The following DLG2 variants were observed in gnomAD, a reference collection of about 807,000 sequenced individuals.
DLG2 encodes disks large homolog 2.
Under a neutral mutation model 132.5 loss-of-function variants are expected in DLG2, and 45 were observed. The ratio of observed to expected loss-of-function variants is 0.34; its 90% confidence interval spans 0.27 to 0.44. The LOEUF is 0.44. Among genes scored for constraint, DLG2 ranks in the 20% least tolerant of loss-of-function variants. DLG2 has a pLI of 1.00. For synonymous variants in DLG2, 424 were observed against 419.6 expected (o/e 1.01, Z -0.13); for missense variants, 1,045 against 1,196.9 (o/e 0.87, Z 1.87).
chr11:85,318,489 A>G (rs2080839050), intron 3 of DLG2, among the ~76,000 whole-genome samples: 1 of 151,880 alleles, frequency 6.6e-6, no homozygotes, highest in African/African-American at 2.4e-5. Flanking sequence ...AGTGCAAAAA[A>G]GAAACCAGGC....
intron 19 of DLG2, among the ~76,000 whole-genome samples, chr11:83,568,837 G>T (rs540609976): frequency 1.3e-5 from 2 of 152,206 alleles, no homozygotes; most frequent in South Asian, 2.1e-4. Flanking sequence ...TTGTAAAATC[G>T]CATTCACATC....
At chr11:85,188,489 T>C (rs1198597309) in intron 4 of DLG2, among the ~76,000 whole-genome samples, 1 of 152,118 alleles carries the variant, frequency 6.6e-6, no homozygotes, top group African/African-American at 2.4e-5. Flanking sequence ...GAAAGCGTGA[T>C]CCATGCTCAA....
At chr11:85,402,064 A>G (rs557623432) in intron 3 of DLG2, among the ~76,000 whole-genome samples, 1 of 152,328 alleles carries the variant, frequency 6.6e-6, no homozygotes, top group East Asian at 1.9e-4. Flanking sequence ...ACAAAGCTGG[A>G]GGCATCACGC....
chr11:83,820,074 C>G (rs1215078415), intron 17 of DLG2, among the ~76,000 whole-genome samples: 1 of 152,130 alleles, frequency 6.6e-6, no homozygotes, highest in Non-Finnish European at 1.5e-5. Flanking sequence ...AATACAATCA[C>G]TAGTATGAAA....
rs533518309 is a variant in DLG2 at position 84,571,522 on chromosome 11, T to C, written c.358-36791A>G. Among the ~76,000 whole-genome samples, 22 of 152,128 alleles carry C rather than the reference T, an allele frequency of 1.4e-4. 1 individual carries two copies. The East Asian group carries it at 4.1e-3, about 28-fold the overall frequency. On this transcript the variant is annotated intron_variant, in intron 6 of 27. Transcript: ENST00000376104. ...ATGCTTGGTCTCTACTATGTCTTCT[T>C]CTTGGTGTTTTGACATGGCACCCTC...
At chr11:83,904,707 T>C (rs1259927720) in intron 15 of DLG2, among the ~76,000 whole-genome samples, 1 of 152,096 alleles carries the variant, frequency 6.6e-6, no homozygotes, top group East Asian at 1.9e-4. Context: ...CATTTCTCCA[T>C]AGTAAAGACC....
chr11:84,769,727 G>A (rs2068969128), intron 6 of DLG2, among the ~76,000 whole-genome samples: 1 of 152,118 alleles, frequency 6.6e-6, no homozygotes, highest in Non-Finnish European at 1.5e-5. Flanking sequence ...TAGGCAGCTA[G>A]AGAAAAAGGC....
At chr11:83,719,594 G>A (rs1453961199) in intron 18 of DLG2, among the ~76,000 whole-genome samples, 1 of 152,134 alleles carries the variant, frequency 6.6e-6, no homozygotes, top group Non-Finnish European at 1.5e-5. Context: ...GTGGAAGTAG[G>A]TTCCAGGCCC....
chr11:84,018,609 G>C (rs1183896888), intron 11 of DLG2, among the ~76,000 whole-genome samples: 1 of 151,054 alleles, frequency 6.6e-6, no homozygotes, highest in East Asian at 1.9e-4. Context: ...CTATAGTCTA[G>C]CAAAGGGATC....
chr11:84,630,054 T>C lies in DLG2; in HGVS notation c.358-95323A>G, dbSNP rs549498704. Among the ~76,000 whole-genome samples the C allele has an allele frequency of 9.2e-5, 14 of 152,282 alleles. No homozygotes were observed. The South Asian group carries it at 2.7e-3, about 29-fold the overall frequency. ...ATAGAGACACATTCCAGATGTATCA[T>C]GTTTGCTTTACCTGCCTCTTGCCTT... is the stretch of plus-strand genomic sequence containing the variant. On this transcript the variant is annotated intron_variant, in intron 6 of 27. Coordinates refer to ENST00000376104, the MANE Select transcript of DLG2 (RefSeq NM_001142699.3).
intron 8 of DLG2, among the ~76,000 whole-genome samples, chr11:84,168,112 C>T (rs2095714751): frequency 1.3e-5 from 2 of 152,158 alleles, no homozygotes; most frequent in Non-Finnish European, 2.9e-5. Flanking sequence ...AGAACAGTGA[C>T]AGATACTGAG....
intron 6 of DLG2, among the ~76,000 whole-genome samples, chr11:84,775,125 G>A (rs2070210598): frequency 6.6e-6 from 1 of 152,016 alleles, no homozygotes; most frequent in African/African-American, 2.4e-5. Context: ...AAAAGGACAT[G>A]AATAGACACT....
intron 18 of DLG2, among the ~76,000 whole-genome samples, chr11:83,687,198 A>G (rs1332990654): frequency 6.6e-6 from 1 of 152,198 alleles, no homozygotes; most frequent in East Asian, 1.9e-4. Context: ...TGTTGAAACA[A>G]TACATTTCTC....
At chr11:84,051,995 A>G (rs554727067) in intron 11 of DLG2, among the ~76,000 whole-genome samples, 2 of 151,922 alleles carry the variant, frequency 1.3e-5, no homozygotes, top group Non-Finnish European at 2.9e-5. Flanking sequence ...CAAAAGCAGG[A>G]GTAGGTCATA....
At chr11:84,940,254 G>A (rs1367302565) in intron 6 of DLG2, among the ~76,000 whole-genome samples, 2 of 152,150 alleles carry the variant, frequency 1.3e-5, no homozygotes, top group African/African-American at 2.4e-5. Context: ...GGGTTCAAAC[G>A]ATTCTCCTGC....
intron 6 of DLG2, among the ~76,000 whole-genome samples, chr11:84,725,337 C>A (rs2062311767): frequency 6.6e-6 from 1 of 152,130 alleles, no homozygotes; most frequent in Admixed American, 6.5e-5. Flanking sequence ...ACTTTGGAGA[C>A]AATCAAACAT....
chr11:85,572,011 G>GT (rs1248808973), intron 3 of DLG2, among the ~76,000 whole-genome samples: 4 of 152,096 alleles, frequency 2.6e-5, no homozygotes, highest in Middle Eastern at 3.4e-3. Context: ...ACCAGATTAA[G>GT]TTTTTTTTAA....
At chr11:84,808,402 C>T (rs1044055788) in intron 6 of DLG2, among the ~76,000 whole-genome samples, 40 of 151,782 alleles carry the variant, frequency 2.6e-4, no homozygotes, top group Admixed American at 6.6e-5. Context: ...AATAATTAGT[C>T]TAAGCTCCCA....
chr11:84,605,450 A>G (rs982304085), intron 6 of DLG2, among the ~76,000 whole-genome samples: 1 of 151,916 alleles, frequency 6.6e-6, no homozygotes, highest in African/African-American at 2.4e-5. Context: ...AATTATTATT[A>G]ATCTTTTAAA....
Sources: allele counts gnomAD v4.1 joint callset (sites outside exome capture counted in the v4.1 genomes callset), GRCh38; gene constraint gnomAD v4.1.1; transcripts MANE v1.5; gene names NCBI Gene and HGNC (gene_info 2026-07-23, HGNC 2026-07-21).